Variants in ABCA13 observed in about 807,000 individuals in gnomAD.
ABCA13 encodes ATP-binding cassette sub-family A member 13.
In ABCA13, 476 loss-of-function variants were observed where a neutral mutation model predicts 478.7. The ratio of observed to expected loss-of-function variants is 0.99; its 90% CI spans 0.92 to 1.07. The LOEUF (loss-of-function observed/expected upper bound fraction) is 1.07. Ranked by LOEUF, ABCA13 falls within the 50% of genes least tolerant of loss-of-function variation. The probability of loss-of-function intolerance (pLI) is 0.00; values close to 1 mark genes in which losing one functional copy is unlikely to be tolerated. For missense variants in ABCA13, 6,060 were observed against 5,910.6 expected (o/e 1.03, Z -0.83); for synonymous variants, 2,252 against 2,158.9 (o/e 1.04, Z -1.20).
chr7:48,449,267 C>T (rs942438579), intron 42 of ABCA13, among the ~76,000 whole-genome samples: 1 of 152,104 alleles, frequency 6.6e-6, no homozygotes, highest in Non-Finnish European at 1.5e-5. Context: ...TCTCTCTATT[C>T]CCTTTCCTAT....
chr7:48,558,900 G>A (rs4917162), intron 55 of ABCA13, among the ~76,000 whole-genome samples: 1 of 152,082 alleles, frequency 6.6e-6, no homozygotes, highest in Non-Finnish European at 1.5e-5. Context: ...AGTGTTTACA[G>A]TCTGGGCTTG....
At chr7:48,205,515 T>C (rs962543499) in intron 3 of ABCA13, among the ~76,000 whole-genome samples, 1 of 152,242 alleles carries the variant, frequency 6.6e-6, no homozygotes, top group African/African-American at 2.4e-5. Context: ...CTTTCTAATG[T>C]CTTGATATCT....
At chr7:48,439,843 C>T (rs1043317653) in intron 42 of ABCA13, among the ~76,000 whole-genome samples, 1 of 152,056 alleles carries the variant, frequency 6.6e-6, no homozygotes, top group African/African-American at 2.4e-5. Flanking sequence ...TCACCTTTGT[C>T]ATATGACGTA....
chr7:48,597,059 C>A (rs1585925336), intron 58 of ABCA13, among the ~76,000 whole-genome samples: 1 of 151,902 alleles, frequency 6.6e-6, no homozygotes, highest in Admixed American at 6.5e-5. Context: ...TCACGCCATT[C>A]TCCTGCCTCA....
At position 48,455,051 on chromosome 7, in the gene ABCA13, C is replaced by T. The variant is rs950973292; in HGVS notation, c.12580C>T (p.Arg4194Trp). The change falls in exon 43 of 62, where the codon CGG becomes TGG. Residue 4194 changes from arginine (R) to tryptophan (W), a missense_variant. Arg to Trp is a moderately radical substitution (Grantham distance 101, BLOSUM62 -3). Around this residue, in one of 3 missense-constraint regions of ABCA13, gnomAD observed 1,627 missense variants for 1,571.0 expected, o/e 1.04. Coordinates refer to ENST00000435803, the MANE Select transcript of ABCA13 (RefSeq NM_152701.5). The part of the protein sequence containing the change: ...HLSGYCGSLA[R>W]PATVQGVQLL... ...CCGTCCTGCAGGTGGCTCCCTAGCA[C>T]GGCCCGCAACTGTGCAGGGCGTCCA... 4 of 1,525,028 alleles carry T rather than the reference C, an allele frequency of 2.6e-6. No individual in the cohort carries two copies. In the Middle Eastern group the frequency reaches 6.1e-4, roughly 232 times the overall value. The allele number at this position is 1,525,028 out of a possible 1,614,324, so 94.5% of individuals were successfully genotyped here.
intron 48 of ABCA13, among the ~76,000 whole-genome samples, chr7:48,506,092 A>G (rs899701822): frequency 3.3e-5 from 5 of 152,232 alleles, no homozygotes; most frequent in African/African-American, 7.2e-5. Context: ...AGGGCCTGTC[A>G]TGTAAAGCAT....
At chr7:48,413,995 G>T (rs533298259) in intron 41 of ABCA13, among the ~76,000 whole-genome samples, 1 of 152,144 alleles carries the variant, frequency 6.6e-6, no homozygotes, top group East Asian at 1.9e-4. Context: ...TACCTTTGTG[G>T]TTGATGCTCT....
At position 48,481,071 on chromosome 7, in the gene ABCA13, G is replaced by A; in HGVS notation, c.13011G>A (p.Leu4337=). 1 of 1,602,616 alleles carries A rather than the reference G, an allele frequency of 6.2e-7. No homozygotes were observed. Among genetic ancestry groups the A allele is most frequent in the Non-Finnish European group, 8.5e-7 (1 of 1,174,448 alleles). The change falls in exon 46 of 62, where the codon CTG becomes CTA. Residue 4337 remains leucine (L), a synonymous_variant. Coordinates refer to ENST00000435803, the MANE Select transcript of ABCA13 (RefSeq NM_152701.5). The part of the protein sequence containing the change: ...CPNRSASAPY[L]TNHLGHTLLN... ...ATAGAAGTGCTAGTGCTCCCTACCT[G>A]ACCAACCACCTGGGCCACACACTGT...
intron 43 of ABCA13, among the ~76,000 whole-genome samples, chr7:48,457,544 C>T (rs1825809613): frequency 6.6e-6 from 1 of 152,190 alleles, no homozygotes; most frequent in Admixed American, 6.5e-5. Flanking sequence ...AAGTGATGCA[C>T]TTCAAAATTA....
At chr7:48,301,435 C>T (rs1192805623) in intron 23 of ABCA13, among the ~76,000 whole-genome samples, 2 of 151,858 alleles carry the variant, frequency 1.3e-5, no homozygotes, top group African/African-American at 4.8e-5. Flanking sequence ...TGTTTTAATA[C>T]ATGAAGTTTG....
chr7:48,593,682 G>C (rs2131432246), intron 57 of ABCA13, among the ~76,000 whole-genome samples: 1 of 149,414 alleles, frequency 6.7e-6, no homozygotes, highest in East Asian at 2.0e-4. Flanking sequence ...TTTTTTATAA[G>C]ACAGGTATTG....
chr7:48,253,324 G>C (rs1005321507), intron 15 of ABCA13, among the ~76,000 whole-genome samples: 1 of 152,170 alleles, frequency 6.6e-6, no homozygotes, highest in South Asian at 2.1e-4. Flanking sequence ...CAGCCCCTAG[G>C]CAAGCCAAAT....
At chr7:48,222,954 A>T (rs1787591359) in intron 5 of ABCA13, among the ~76,000 whole-genome samples, 1 of 152,158 alleles carries the variant, frequency 6.6e-6, no homozygotes, top group South Asian at 2.1e-4. Flanking sequence ...GCAACATTAA[A>T]TGGAGGTATT....
At chr7:48,414,261 G>A (rs1563216240) in intron 41 of ABCA13, among the ~76,000 whole-genome samples, 1 of 152,084 alleles carries the variant, frequency 6.6e-6, no homozygotes, top group Non-Finnish European at 1.5e-5. Context: ...TCTGTTCCGT[G>A]TTCTCCCCAC....
intron 55 of ABCA13, among the ~76,000 whole-genome samples, chr7:48,572,223 G>A (rs554149664): frequency 6.6e-6 from 1 of 152,174 alleles, no homozygotes; most frequent in African/African-American, 2.4e-5. Context: ...GAAATATATA[G>A]CTTTTATGGA....
Position 48,580,258 on chromosome 7 carries a change from G to C in ABCA13, c.14389G>C (p.Gly4797Arg), listed in dbSNP as rs766939318. ...AVDLSSAGTA[G>R]VLIGYCPQQD... is the part of the protein sequence containing the mutation. ...GGACCTGTCTTCTGCTGGCACGGCA[G>C]GCGTGCTCATTGGCTACTGTCCCCA... Residue 4797 changes from glycine (G) to arginine (R), a missense_variant, in exon 56 of 62, where the codon GGC (glycine) becomes CGC (arginine). Transcript: ENST00000435803. The C allele has an allele frequency of 6.2e-7, 1 of 1,611,174 alleles. No homozygotes were observed. Among genetic ancestry groups the C allele is most frequent in the South Asian group, 1.1e-5 (1 of 90,498 alleles).
intron 1 of ABCA13, among the ~76,000 whole-genome samples, chr7:48,190,999 CAG>C (rs555277809): frequency 8.3e-4 from 126 of 152,066 alleles, no homozygotes; most frequent in African/African-American, 2.9e-3. Context: ...AAAAATGAAA[CAG>C]AATAAAAAAC....
At chr7:48,574,667 A>G (rs1307098403) in intron 55 of ABCA13, among the ~76,000 whole-genome samples, 1 of 152,140 alleles carries the variant, frequency 6.6e-6, no homozygotes, top group Non-Finnish European at 1.5e-5. Context: ...ATCTCTTCCA[A>G]AGACTAATAA....
At chr7:48,487,238 A>C (rs1585550707) in intron 47 of ABCA13, among the ~76,000 whole-genome samples, 1 of 151,312 alleles carries the variant, frequency 6.6e-6, no homozygotes, top group East Asian at 2.0e-4. Context: ...TGAACTCGGG[A>C]GGCAGATGTT....
Sources: allele counts gnomAD v4.1 joint callset (sites outside exome capture counted in the v4.1 genomes callset), GRCh38; gene constraint gnomAD v4.1.1; regional missense constraint gnomAD v4.1.1; transcripts MANE v1.5; gene names NCBI Gene and HGNC (gene_info 2026-07-23, HGNC 2026-07-21).